GALNT13: variants seen among roughly 807,000 people sequenced by gnomAD.
GALNT13 encodes polypeptide N-acetylgalactosaminyltransferase 13, also known as UDP-GalNAc:polypeptide N-acetylgalactosaminyltransferase 13.
GALNT13 carries 28 observed loss-of-function variants against 64.2 expected under a neutral mutation model. The observed-to-expected ratio is 0.44, with a 90% confidence interval of 0.32 to 0.60. The LOEUF is 0.60. GALNT13 is among the 20% of genes least tolerant of loss of function. The pLI, the probability that GALNT13 is intolerant of heterozygous loss-of-function variation, is 0.05. For synonymous variants in GALNT13, 214 were observed against 224.6 expected, an observed-to-expected ratio of 0.95 and a Z score of 0.42; for missense variants, 577 against 669.8, an observed-to-expected ratio of 0.86 and a Z score of 1.53.
At chr2:153,364,789 TC>T in the GALNT13 span, among the ~76,000 whole-genome samples, 1 of 152,090 alleles carries the variant, frequency 6.6e-6, no homozygotes, top group East Asian at 1.9e-4. Context: ...AGAATCAATA[TC>T]CTGAAAATGG....
At chr2:153,659,895 G>A in the GALNT13 span, among the ~76,000 whole-genome samples, 1 of 152,136 alleles carries the variant, frequency 6.6e-6, no homozygotes, top group African/African-American at 2.4e-5. Flanking sequence ...CCAGGAGATA[G>A]TCTAAAGTAT....
intron 1 of GALNT13, among the ~76,000 whole-genome samples, chr2:153,879,965 C>T (rs996911994): frequency 1.3e-5 from 2 of 152,076 alleles, no homozygotes; most frequent in African/African-American, 4.8e-5. Context: ...ATCAGTAATA[C>T]ATAATGTTGC....
chr2:154,183,217 T>C (rs531026437), intron 4 of GALNT13, among the ~76,000 whole-genome samples: 17 of 152,294 alleles, frequency 1.1e-4, no homozygotes, highest in African/African-American at 3.4e-4. Flanking sequence ...AATTAGTATG[T>C]TGAGATTTTC....
chr2:154,231,200 A>G (rs139237100), intron 4 of GALNT13, among the ~76,000 whole-genome samples: 7 of 152,150 alleles, frequency 4.6e-5, no homozygotes, highest in East Asian at 3.9e-4. Flanking sequence ...CCCTTATCTC[A>G]TTCAAAGCAG....
At chr2:153,885,025 CA>C (rs1197431409) in intron 1 of GALNT13, among the ~76,000 whole-genome samples, 2 of 148,460 alleles carry the variant, frequency 1.3e-5, no homozygotes, top group Non-Finnish European at 3.0e-5. Flanking sequence ...GCAACAAGAG[CA>C]AAACTTTGTC....
In GALNT13 at chr2:154,355,773, A is replaced by G. The variant is rs536680821; in HGVS notation, c.1157-40218A>G. On this transcript the variant is annotated intron_variant, in intron 9 of 12. Coordinates refer to ENST00000392825, the MANE Select transcript of GALNT13 (RefSeq NM_052917.4). ...CCATTTAGGCAAAATTATCCACTCA[A>G]TAAAAATGTTCTAGAACTTTGGACA... Among the ~76,000 whole-genome samples, 178 of 152,222 alleles carry G rather than the reference A, an allele frequency of 1.2e-3. 1 individual carries two copies. The highest frequency in any genetic ancestry group is 1.8e-3 in the Non-Finnish European group (125 of 67,960).
chr2:153,940,260 CTTT>C (rs35641791), intron 2 of GALNT13, among the ~76,000 whole-genome samples: 15 of 129,232 alleles, frequency 1.2e-4, no homozygotes, highest in Admixed American at 1.5e-4. Flanking sequence ...AAGTTTTTGT[CTTT>C]TTTTTTTTTT....
intron 4 of GALNT13, among the ~76,000 whole-genome samples, chr2:154,163,336 A>C (rs1020436865): frequency 9.2e-5 from 14 of 152,208 alleles, no homozygotes; most frequent in Admixed American, 2.0e-4. Context: ...AACAAAATTG[A>C]TAGACCACTA....
At chr2:154,192,298 G>T (rs1686635744) in intron 4 of GALNT13, among the ~76,000 whole-genome samples, 1 of 152,158 alleles carries the variant, frequency 6.6e-6, no homozygotes, top group African/African-American at 2.4e-5. Flanking sequence ...CAGGATGGGG[G>T]TGTGACAGGC....
intron 4 of GALNT13, among the ~76,000 whole-genome samples, chr2:154,237,352 A>C (rs1171502352): frequency 6.6e-6 from 1 of 151,612 alleles, no homozygotes; most frequent in Admixed American, 6.6e-5. Context: ...CACAAAGAAC[A>C]AATTGTCTTG....
the GALNT13 span, among the ~76,000 whole-genome samples, chr2:153,713,913 C>T: frequency 6.6e-6 from 1 of 152,188 alleles, no homozygotes; most frequent in Non-Finnish European, 1.5e-5. Flanking sequence ...ATACAATTTG[C>T]TGCCATTTTC....
At chr2:153,961,806 G>A (rs1371186671) in intron 3 of GALNT13, among the ~76,000 whole-genome samples, 2 of 152,114 alleles carry the variant, frequency 1.3e-5, no homozygotes, top group African/African-American at 4.8e-5. Flanking sequence ...AAATGGGAAT[G>A]GACAGATTTT....
the GALNT13 span, among the ~76,000 whole-genome samples, chr2:153,667,410 A>C: frequency 6.6e-6 from 1 of 152,246 alleles, no homozygotes; most frequent in South Asian, 2.1e-4. Context: ...GAACCACACA[A>C]GGCTAACAGA....
At chr2:153,937,567 C>T (rs1691030083) in intron 2 of GALNT13, among the ~76,000 whole-genome samples, 1 of 152,138 alleles carries the variant, frequency 6.6e-6, no homozygotes, top group South Asian at 2.1e-4. Context: ...GTGATAGACA[C>T]ACAATGTGTG....
the GALNT13 span, among the ~76,000 whole-genome samples, chr2:153,282,896 A>C: frequency 6.6e-6 from 1 of 151,770 alleles, no homozygotes; most frequent in Non-Finnish European, 1.5e-5. Context: ...ACTATAGAGG[A>C]TGTTGGGCAG....
At chr2:153,101,172 A>C in the GALNT13 span, among the ~76,000 whole-genome samples, 1 of 152,204 alleles carries the variant, frequency 6.6e-6, no homozygotes, top group Non-Finnish European at 1.5e-5. Context: ...GGTTCATTAA[A>C]AGTTATAGGT....
intron 3 of GALNT13, among the ~76,000 whole-genome samples, chr2:154,090,357 A>C (rs1282480071): frequency 3.3e-5 from 5 of 152,104 alleles, no homozygotes; most frequent in Non-Finnish European, 5.9e-5. Flanking sequence ...ATATGAATTA[A>C]TCAGCTTTTA....
rs557183226 is a variant in GALNT13 at position 154,341,198 on chromosome 2, A to C, written c.1156+39609A>C. Among the ~76,000 whole-genome samples, 196 of 152,216 alleles carry C rather than the reference A, an allele frequency of 1.3e-3. 1 individual carries two copies. Among genetic ancestry groups the C allele is most frequent in the Non-Finnish European group, 2.0e-3 (133 of 68,000 alleles). ...CAAAGGAAAAAAATAAAGATCACCC[A>C]CAATGCCTGTATGAAAAGGTGTTCA... On this transcript the variant is annotated intron_variant, in intron 9 of 12. Transcript: ENST00000392825.
At chr2:153,753,465 C>T in the GALNT13 span, among the ~76,000 whole-genome samples, 1 of 152,108 alleles carries the variant, frequency 6.6e-6, no homozygotes, top group South Asian at 2.1e-4. Context: ...CATCCAAAAC[C>T]CAGTAACACT....
Sources: allele counts gnomAD v4.1 joint callset (sites outside exome capture counted in the v4.1 genomes callset), GRCh38; gene constraint gnomAD v4.1.1; transcripts MANE v1.5; gene names NCBI Gene and HGNC (gene_info 2026-07-23, HGNC 2026-07-21).